Variants in SNX31 observed in about 807,000 individuals in gnomAD.
SNX31 encodes sorting nexin 31.
A neutral mutation model predicts 65.4 loss-of-function variants in SNX31; 58 were observed. That is an observed-to-expected ratio of 0.89 (90% confidence interval 0.72 to 1.10). The LOEUF (loss-of-function observed/expected upper bound fraction) is 1.10, where lower values mean the gene tolerates loss of function less well. SNX31 is among the 50% of genes least tolerant of loss of function. SNX31 has a pLI of 0.00. For missense variants in SNX31, 523 were observed against 529.7 expected, an observed-to-expected ratio of 0.99 and a Z score of 0.12; for synonymous variants, 181 against 190.1, an observed-to-expected ratio of 0.95 and a Z score of 0.39.
chr8:100,587,818 T>C (rs929945151), intron 11 of SNX31, among the ~76,000 whole-genome samples: 8 of 152,238 alleles, frequency 5.3e-5, no homozygotes. Context: ...GGTCCCATCC[T>C]CAAGATATCT....
chr8:100,612,880 TG>T lies in SNX31; in HGVS notation c.523+114del. ...CCCTTAACCCAGTGACTGAGAACAG[TG>T]GTAGGGATCACAGCCCAGTGGGTGG... On this transcript the variant is annotated intron_variant, in intron 6 of 13. Transcript: ENST00000311812. This position sits in a 1 kb window ranked among gnomAD's most constrained non-coding sequence, Gnocchi z 4.3. 1 of 854,766 alleles carries T rather than the reference TG, an allele frequency of 1.2e-6. No homozygotes were observed. Among genetic ancestry groups the T allele is most frequent in the Non-Finnish European group, 2.0e-6 (1 of 500,706 alleles). 52.9% of individuals were successfully genotyped at this position (854,766 alleles called of 1,614,324 possible). A position where few individuals can be genotyped will look rare whatever the true frequency, so the allele number is the denominator to read the frequency against.
intron 8 of SNX31, among the ~76,000 whole-genome samples, chr8:100,601,898 C>CT (rs5893525): frequency 0.5 from 75,511 of 152,058 alleles, 21,775 homozygotes; most frequent in African/African-American, 0.8. Context: ...CCTCCCTGAG[C>CT]AGGCACCTTT....
intron 3 of SNX31, among the ~76,000 whole-genome samples, chr8:100,634,770 T>TAAAAAAAAAAA (rs1818637755): frequency 4.8e-5 from 6 of 124,996 alleles, no homozygotes; most frequent in Non-Finnish European, 6.8e-5. Context: ...AAAAAAAAAT[T>TAAAAAAAAAAA]AAATATTGGG....
In SNX31 at chr8:100,630,478, T is replaced by A. The variant is rs1462221102; in HGVS notation, c.257-87A>T. ...GCTATGTCCTCCAGAGATCCCTCCA[T>A]GCCTTGCCAGTGCTCTGTCTCCTCC... On this transcript the variant is annotated intron_variant, in intron 3 of 13. Transcript: ENST00000311812. This position sits in a 1 kb window ranked among gnomAD's most constrained non-coding sequence, Gnocchi z 5.3. The A allele has an allele frequency of 2.7e-6, 3 of 1,107,888 alleles. No homozygotes were observed. The African/African-American group carries it at 4.8e-5, about 18-fold the overall frequency. 68.6% of individuals were successfully genotyped at this position (1,107,888 alleles called of 1,614,324 possible).
chr8:100,608,499 T>G lies in SNX31; in HGVS notation c.676A>C (p.Met226Leu). ...GAGCTCTTGGTGACCCTCACCTGCA[T>G]GTAGAGCAAATCTACCGCCACCCTG... ...DCRVAVDLLY[M>L]QAIQDIEKGW... Residue 226 changes from methionine (M) to leucine (L), a missense_variant, in exon 8 of 14, where the codon ATG (methionine) becomes CTG (leucine). Met to Leu is a conservative substitution (Grantham distance 15). Coordinates refer to ENST00000311812, the MANE Select transcript of SNX31 (RefSeq NM_152628.4). 1 of 1,614,074 alleles carries G rather than the reference T, an allele frequency of 6.2e-7. No individual in the cohort carries two copies. The highest frequency in any genetic ancestry group is 8.5e-7 in the Non-Finnish European group (1 of 1,179,956).
chr8:100,573,826 G>T lies in SNX31; in HGVS notation c.*39C>A. On this transcript the variant is annotated 3_prime_UTR_variant, in exon 14 of 14. Transcript: ENST00000311812. ...TCCCCAAGTTCTTTCACTGTCTTGA[G>T]ATAGCCTCCAAGGATATTTTAAAAT... The T allele has an allele frequency of 1.4e-6, 2 of 1,408,686 alleles. No individual in the cohort carries two copies. Among genetic ancestry groups the T allele is most frequent in the Non-Finnish European group, 9.8e-7 (1 of 1,021,658 alleles). The allele number at this position is 1,408,686 out of a possible 1,614,324, so 87.3% of individuals were successfully genotyped here.
intron 2 of SNX31, among the ~76,000 whole-genome samples, chr8:100,643,915 C>A (rs564802025): frequency 6.6e-6 from 1 of 152,186 alleles, no homozygotes; most frequent in African/African-American, 2.4e-5. Flanking sequence ...AAACATGAAG[C>A]GGCACAGCAA....
rs1816938763 is a variant in SNX31, at chr8:100,613,868, C to G, written c.433-783G>C. ...AGCCCAGCCCCTATTTAACACTGGG[C>G]TCTCGAGTAATTTCTTTATACTCCT... On this transcript the variant is annotated intron_variant, in intron 5 of 13. Coordinates refer to ENST00000311812, the MANE Select transcript of SNX31 (RefSeq NM_152628.4). This position sits in a 1 kb window ranked among gnomAD's most constrained non-coding sequence, Gnocchi z 5.2. Among the ~76,000 whole-genome samples the G allele has an allele frequency of 6.6e-6, 1 of 152,158 alleles. No homozygotes were observed. Among genetic ancestry groups the G allele is most frequent in the Non-Finnish European group, 1.5e-5 (1 of 68,034 alleles).
chr8:100,646,640 T>C (rs1368059449), intron 2 of SNX31, among the ~76,000 whole-genome samples: 2 of 152,172 alleles, frequency 1.3e-5, no homozygotes, highest in Admixed American at 1.3e-4. Flanking sequence ...ATAAAATATT[T>C]TGGTTTCCTT....
intron 8 of SNX31, among the ~76,000 whole-genome samples, chr8:100,606,993 T>C (rs1363075596): frequency 6.6e-6 from 1 of 152,198 alleles, no homozygotes; most frequent in Non-Finnish European, 1.5e-5. Flanking sequence ...AATACCCACT[T>C]TCATGGAGAA....
Position 100,612,879 on chromosome 8 carries a change from G to C in SNX31, c.523+116C>G. On this transcript the variant is annotated intron_variant, in intron 6 of 13. Transcript: ENST00000311812. This position sits in a 1 kb window ranked among gnomAD's most constrained non-coding sequence, Gnocchi z 4.3. The stretch of plus-strand genomic sequence containing the variant: ...ACCCTTAACCCAGTGACTGAGAACA[G>C]TGGTAGGGATCACAGCCCAGTGGGT... The C allele has an allele frequency of 1.2e-6, 1 of 855,568 alleles. No individual in the cohort carries two copies. The highest frequency in any genetic ancestry group is 2.0e-6 in the Non-Finnish European group (1 of 501,534). The allele number at this position is 855,568 out of a possible 1,614,324, so 53.0% of individuals were successfully genotyped here.
intron 2 of SNX31, among the ~76,000 whole-genome samples, chr8:100,643,346 C>A (rs1819401230): frequency 6.6e-6 from 1 of 152,136 alleles, no homozygotes; most frequent in South Asian, 2.1e-4. Context: ...TGCATTCACA[C>A]CCCCCTATAC....
intron 10 of SNX31, among the ~76,000 whole-genome samples, chr8:100,592,828 T>A (rs1484456645): frequency 1.3e-5 from 2 of 152,216 alleles, no homozygotes; most frequent in East Asian, 3.8e-4. Context: ...GCTACAAGAA[T>A]GAACCTGGGA....
chr8:100,574,133 G>A (rs1812839516), intron 13 of SNX31, among the ~76,000 whole-genome samples, 173 bp from the exon 14 acceptor site: 1 of 152,172 alleles, frequency 6.6e-6, no homozygotes, highest in South Asian at 2.1e-4. Flanking sequence ...TTTGGGGTGA[G>A]TGTAAATACA....
chr8:100,643,148 G>T (rs530187022), intron 2 of SNX31, among the ~76,000 whole-genome samples: 4 of 152,036 alleles, frequency 2.6e-5, no homozygotes, highest in African/African-American at 9.6e-5. Context: ...AGCTGAGATC[G>T]CACCACCTCA....
At chr8:100,619,636 C>T (rs775949765) in intron 4 of SNX31, among the ~76,000 whole-genome samples, 6 of 152,198 alleles carry the variant, frequency 3.9e-5, no homozygotes, top group Admixed American at 1.3e-4. Flanking sequence ...TGCAGGGCAG[C>T]GATCTGGGGG....
At position 100,648,691 on chromosome 8, in the gene SNX31, T is replaced by G. The variant is rs915724396; in HGVS notation, c.141+583A>C. Among the ~76,000 whole-genome samples the G allele has an allele frequency of 1.3e-5, 2 of 152,150 alleles. No homozygotes were observed. The highest frequency in any genetic ancestry group is 4.8e-5 in the African/African-American group (2 of 41,414). On this transcript the variant is annotated intron_variant, in intron 2 of 13. Coordinates refer to ENST00000311812, the MANE Select transcript of SNX31 (RefSeq NM_152628.4). The surrounding 1 kb of genome is among the most constrained non-coding windows in gnomAD (Gnocchi z 4.3). The stretch of plus-strand genomic sequence containing the variant: ...AGTCTGCCTCCCAGAGAAAATACTG[T>G]CAAGACAGCAGGGTGAGAAACTATC...
At chr8:100,641,255 A>C (rs949766581) in intron 2 of SNX31, among the ~76,000 whole-genome samples, 1 of 151,962 alleles carries the variant, frequency 6.6e-6, no homozygotes, top group Admixed American at 6.6e-5. Flanking sequence ...AGTACCTGCC[A>C]GTTGGCTGCG....
rs947900189 is a variant in SNX31, at chr8:100,614,053, C to A, written c.433-968G>T. Among the ~76,000 whole-genome samples the A allele has an allele frequency of 3.3e-5, 5 of 152,140 alleles. No homozygotes were observed. Among genetic ancestry groups the A allele is most frequent in the African/African-American group, 9.7e-5 (4 of 41,410 alleles). On this transcript the variant is annotated intron_variant, in intron 5 of 13. Transcript: ENST00000311812. This position sits in a 1 kb window ranked among gnomAD's most constrained non-coding sequence, Gnocchi z 5.1. ...CTCTTGTCAGAGATACATAAATTAC[C>A]CCCAGGAAGCAGTCTGATTAGGTGG...
Sources: gnomAD v4.1 joint callset for allele counts (sites outside exome capture counted in the v4.1 genomes callset) on GRCh38, gnomAD v4.1.1 for gene constraint, Gnocchi (gnomAD v3.1) non-coding constraint, MANE v1.5 for transcripts, NCBI Gene and HGNC (gene_info 2026-07-23, HGNC 2026-07-21) for gene names.